ANK3: variants seen among roughly 807,000 people sequenced by gnomAD.
ANK3 encodes the protein ankyrin-3.
A neutral mutation model predicts 370.9 loss-of-function variants in ANK3; 57 were observed. The ratio of observed to expected loss-of-function variants is 0.15; its 90% CI spans 0.12 to 0.19. The LOEUF is 0.19. Among genes scored for constraint, ANK3 ranks in the 10% least tolerant of loss-of-function variants. The pLI is 1.00. For missense variants in ANK3, 4,439 were observed against 5,302.1 expected, an observed-to-expected ratio of 0.84 and a Z score of 5.06; for synonymous variants, 1,929 against 1,946.3, an observed-to-expected ratio of 0.99 and a Z score of 0.23.
intron 2 of ANK3, among the ~76,000 whole-genome samples, chr10:60,583,371 G>T (rs2077781886): frequency 1.3e-5 from 2 of 152,064 alleles, no homozygotes; most frequent in South Asian, 4.2e-4. Flanking sequence ...GAGGGAAGGG[G>T]GATAGTGAGA....
chr10:60,648,809 T>G (rs2078747577), intron 1 of ANK3, among the ~76,000 whole-genome samples: 1 of 149,562 alleles, frequency 6.7e-6, no homozygotes, highest in African/African-American at 2.5e-5. Context: ...TAGATACTGC[T>G]TCTGCTCCTC....
upstream of ANK3, among the ~76,000 whole-genome samples, chr10:60,390,191 T>C (rs1016376725): frequency 2.6e-5 from 4 of 152,248 alleles, no homozygotes; most frequent in Non-Finnish European, 5.9e-5. Context: ...AAACAATGCA[T>C]GTATTGCCTG....
chr10:60,055,088 T>C (rs1185664311), intron 42 of ANK3, among the ~76,000 whole-genome samples: 2 of 152,224 alleles, frequency 1.3e-5, no homozygotes, highest in Non-Finnish European at 2.9e-5. Flanking sequence ...ATATAAATTA[T>C]AAAAATTATA....
intron 1 of ANK3, among the ~76,000 whole-genome samples, chr10:60,631,132 G>A (rs1009509864): frequency 6.6e-6 from 1 of 152,144 alleles, no homozygotes; most frequent in Admixed American, 6.6e-5. Context: ...ACAGGTTTGG[G>A]ATGGCAGGAA....
At chr10:60,695,197 C>G (rs988923520) in intron 1 of ANK3, among the ~76,000 whole-genome samples, 1 of 152,130 alleles carries the variant, frequency 6.6e-6, no homozygotes, top group African/African-American at 2.4e-5. Flanking sequence ...ACAAGAAGAG[C>G]TAACTATCCT....
chr10:60,356,955 C>T (rs890878157), intron 1 of ANK3, among the ~76,000 whole-genome samples: 5 of 152,170 alleles, frequency 3.3e-5, no homozygotes, highest in Non-Finnish European at 7.3e-5. Context: ...GTGATCCACC[C>T]GCCTTGGCCT....
chr10:60,274,410 C>T (rs2098052462), intron 4 of ANK3, among the ~76,000 whole-genome samples: 1 of 152,158 alleles, frequency 6.6e-6, no homozygotes, highest in Non-Finnish European at 1.5e-5. Context: ...CACCAGTGCC[C>T]ACACACCCAT....
intron 18 of ANK3, among the ~76,000 whole-genome samples, chr10:60,177,810 C>T (rs1349981286): frequency 6.6e-6 from 1 of 151,958 alleles, no homozygotes; most frequent in Non-Finnish European, 1.5e-5. Flanking sequence ...CCGTGTTAGC[C>T]AGGATGGTCT....
chr10:60,669,011 C>G (rs2079033789), intron 1 of ANK3, among the ~76,000 whole-genome samples: 2 of 151,764 alleles, frequency 1.3e-5, no homozygotes, highest in South Asian at 4.2e-4. Context: ...AAAAATTATT[C>G]AAACACAAGA....
intron 2 of ANK3, among the ~76,000 whole-genome samples, chr10:60,436,196 TTA>T (rs1454742694): frequency 2.0e-5 from 3 of 152,256 alleles, no homozygotes; most frequent in Non-Finnish European, 4.4e-5. Context: ...TATGGATATA[TTA>T]TGTTTCTCCG....
chr10:60,650,303 C>A (rs2078769046), intron 1 of ANK3, among the ~76,000 whole-genome samples: 1 of 150,888 alleles, frequency 6.6e-6, no homozygotes, highest in Admixed American at 6.6e-5. Flanking sequence ...TAGAGCTACA[C>A]CAGCAGAGCT....
chr10:60,603,692 T>C (rs188441495), intron 2 of ANK3, among the ~76,000 whole-genome samples: 320 of 152,256 alleles, frequency 2.1e-3, no homozygotes, highest in African/African-American at 7.3e-3. Context: ...CCAGTGGCTA[T>C]GGAATTACAA....
chr10:60,420,649 C>T (rs953408879), intron 2 of ANK3, among the ~76,000 whole-genome samples: 3 of 152,034 alleles, frequency 2.0e-5, no homozygotes, highest in African/African-American at 4.8e-5. Context: ...CAAAATGAAC[C>T]ATTATTACAC....
chr10:60,610,877 T>C (rs573954134), intron 2 of ANK3, among the ~76,000 whole-genome samples: 2 of 152,254 alleles, frequency 1.3e-5, no homozygotes, highest in South Asian at 4.1e-4. Flanking sequence ...GGCTAAAGGA[T>C]GCTAAACAGT....
intron 2 of ANK3, among the ~76,000 whole-genome samples, chr10:60,534,627 C>T (rs1170021986): frequency 1.3e-5 from 2 of 152,094 alleles, no homozygotes; most frequent in Non-Finnish European, 2.9e-5. Flanking sequence ...CCAGGATATA[C>T]ACAAAGCTTT....
At chr10:60,391,037 C>T (rs2063061481), upstream of ANK3, among the ~76,000 whole-genome samples, 1 of 152,164 alleles carries the variant, frequency 6.6e-6, no homozygotes, top group Non-Finnish European at 1.5e-5. Context: ...CTTTTACTCA[C>T]CATACTTCTA....
At chr10:60,700,716 G>T (rs1016925718) in intron 1 of ANK3, among the ~76,000 whole-genome samples, 4 of 152,112 alleles carry the variant, frequency 2.6e-5, no homozygotes, top group Non-Finnish European at 5.9e-5. Flanking sequence ...CTTCAGGGAG[G>T]TAACATTTTA....
chr10:60,497,012 C>G (rs113458127), intron 2 of ANK3, among the ~76,000 whole-genome samples: 1,735 of 152,164 alleles, frequency 0.011, 42 homozygotes, highest in African/African-American at 0.038. Flanking sequence ...AAAAACAAAA[C>G]AAAAACAGGC....
chr10:60,044,386 T>A, intron 42 of ANK3: 6 of 938,436 alleles, frequency 6.4e-6, no homozygotes, highest in South Asian at 5.0e-5. Context: ...ACATACTAGA[T>A]GGAGAAATCT....
Sources: gnomAD v4.1 joint callset for allele counts (sites outside exome capture counted in the v4.1 genomes callset) on GRCh38, gnomAD v4.1.1 for gene constraint, MANE v1.5 for transcripts, NCBI Gene and HGNC (gene_info 2026-07-23, HGNC 2026-07-21) for gene names.